Variants in SORCS1 observed in about 807,000 individuals in gnomAD.
SORCS1 encodes the protein VPS10 domain-containing receptor SorCS1.
A neutral mutation model predicts 146.1 loss-of-function variants in SORCS1; 60 were observed. The ratio of observed to expected loss-of-function variants is 0.41; its 90% confidence interval spans 0.33 to 0.51. The LOEUF (loss-of-function observed/expected upper bound fraction) is 0.51, where lower values mean the gene tolerates loss of function less well. Ranked by LOEUF, SORCS1 falls within the 20% of genes least tolerant of loss-of-function variation. The pLI is 0.21. For synonymous variants in SORCS1, 637 were observed against 584.0 expected (o/e 1.09, Z -1.31); for missense variants, 1,352 against 1,487.6 (o/e 0.91, Z 1.50).
intron 5 of SORCS1, among the ~76,000 whole-genome samples, chr10:106,756,989 T>G (rs894555576): frequency 4.6e-5 from 7 of 152,160 alleles, no homozygotes; most frequent in African/African-American, 1.7e-4. Context: ...CCCCGTCTCC[T>G]TGGCTGCAGC....
chr10:107,001,840 C>T (rs1016477972), intron 1 of SORCS1, among the ~76,000 whole-genome samples: 2 of 152,172 alleles, frequency 1.3e-5, no homozygotes, highest in African/African-American at 4.8e-5. Context: ...CTATGTTCTC[C>T]GGCAAAGGCA....
At chr10:107,097,981 A>G (rs1450483236) in intron 1 of SORCS1, among the ~76,000 whole-genome samples, 1 of 152,200 alleles carries the variant, frequency 6.6e-6, no homozygotes. Context: ...CAGTAGGGTG[A>G]TCGATGAATA....
chr10:106,879,498 C>A (rs1950732318), intron 2 of SORCS1, among the ~76,000 whole-genome samples: 1 of 152,166 alleles, frequency 6.6e-6, no homozygotes, highest in African/African-American at 2.4e-5. Context: ...ATGTTCTTCC[C>A]TAATGAATAG....
Position 106,994,086 on chromosome 10 carries a change from A to AAAAAAAAAAAAAAG in SORCS1, c.559-37507_559-37506insCTTTTTTTTTTTTT, listed in dbSNP as rs1554908001. On this transcript the variant is annotated intron_variant, in intron 1 of 25. Transcript: ENST00000263054. ...CTCAAAAAAAAAAAAAAAAAAAAAA[A>AAAAAAAAAAAAAAG]AGAAAATGAGAAGCAAACAAATTCA... Among the ~76,000 whole-genome samples the AAAAAAAAAAAAAAG allele has an allele frequency of 4.4e-4, 59 of 134,990 alleles. 2 individuals carry two copies. Among genetic ancestry groups the AAAAAAAAAAAAAAG allele is most frequent in the African/African-American group, 2.0e-3 (57 of 28,382 alleles). The allele number at this position is 134,990 out of a possible 152,430, so 88.6% of individuals were successfully genotyped here. A position where few individuals can be genotyped will look rare whatever the true frequency, so the allele number is the denominator to read the frequency against.
At chr10:106,860,516 C>T (rs1007513346) in intron 2 of SORCS1, among the ~76,000 whole-genome samples, 4 of 152,170 alleles carry the variant, frequency 2.6e-5, no homozygotes, top group African/African-American at 9.7e-5. Context: ...TCTAACATCG[C>T]ACGAGTTAAG....
At chr10:107,176,919 T>C in the SORCS1 span, among the ~76,000 whole-genome samples, 1 of 152,122 alleles carries the variant, frequency 6.6e-6, no homozygotes, top group East Asian at 1.9e-4. Context: ...TATTAATTTT[T>C]TTGGCTTAAT....
At chr10:107,069,102 T>A (rs1035192950) in intron 1 of SORCS1, among the ~76,000 whole-genome samples, 1 of 152,174 alleles carries the variant, frequency 6.6e-6, no homozygotes. Context: ...AAAATGTGTG[T>A]TGAATTTATT....
intron 1 of SORCS1, among the ~76,000 whole-genome samples, chr10:107,046,863 C>T (rs1279564565): frequency 6.6e-6 from 1 of 152,174 alleles, no homozygotes; most frequent in Non-Finnish European, 1.5e-5. Flanking sequence ...GAGCATAAAG[C>T]AAAGAAGGCT....
rs371319433 is a variant in SORCS1, at chr10:106,919,615, G to A, written c.626+36898C>T. 5.3e-5 allele frequency among the ~76,000 whole-genome samples: 8 copies of A among 152,290 alleles called. No individual in the cohort carries two copies. In the East Asian group the frequency reaches 1.3e-3, roughly 26 times the overall value. On this transcript the variant is annotated intron_variant, in intron 2 of 25. Coordinates refer to ENST00000263054, the MANE Select transcript of SORCS1 (RefSeq NM_052918.5). Reference sequence around the variant, plus strand: ...AGTGAAAAAAATGGAAATTCCCTGCGCTATTTGGTTCAGGAGATGCCTAAC... The same window carrying A: ...AGTGAAAAAAATGGAAATTCCCTGCACTATTTGGTTCAGGAGATGCCTAAC...
chr10:106,700,199 T>A (rs540304338), intron 8 of SORCS1, among the ~76,000 whole-genome samples: 27 of 152,262 alleles, frequency 1.8e-4, no homozygotes, highest in African/African-American at 6.3e-4. Flanking sequence ...AAAGCAAAGG[T>A]AGCGCGGAGG....
chr10:106,819,326 A>G (rs1452972049), intron 3 of SORCS1, among the ~76,000 whole-genome samples: 1 of 152,198 alleles, frequency 6.6e-6, no homozygotes, highest in Non-Finnish European at 1.5e-5. Flanking sequence ...GCACACAATT[A>G]TTATGTAGCT....
chr10:106,954,656 G>A (rs1214145549), intron 2 of SORCS1, among the ~76,000 whole-genome samples: 3 of 152,094 alleles, frequency 2.0e-5, no homozygotes, highest in Non-Finnish European at 4.4e-5. Context: ...TTAGCGTAGA[G>A]GAGCTCCTTG....
chr10:107,037,837 T>C (rs897534383), intron 1 of SORCS1, among the ~76,000 whole-genome samples: 2 of 152,198 alleles, frequency 1.3e-5, no homozygotes, highest in African/African-American at 4.8e-5. Flanking sequence ...TATTTATTTA[T>C]TTATTTTGAA....
intron 23 of SORCS1, 63 bp from the exon 24 acceptor site, chr10:106,597,513 TA>T: frequency 1.6e-6 from 2 of 1,241,764 alleles, no homozygotes; most frequent in Non-Finnish European, 2.4e-6. Flanking sequence ...CCAATAAGCT[TA>T]GAAATATTTA....
At chr10:106,625,447 C>A (rs1848045563) in intron 19 of SORCS1, among the ~76,000 whole-genome samples, 1 of 152,170 alleles carries the variant, frequency 6.6e-6, no homozygotes, top group African/African-American at 2.4e-5. Flanking sequence ...TCATACTAAT[C>A]TCTTCAAAGC....
At chr10:107,153,547 T>A (rs993166981) in intron 1 of SORCS1, among the ~76,000 whole-genome samples, 1 of 152,178 alleles carries the variant, frequency 6.6e-6, no homozygotes, top group African/African-American at 2.4e-5. Context: ...ACAAAGGCGA[T>A]GATAAACAAA....
At position 106,900,844 on chromosome 10, in the gene SORCS1, T is replaced by C. The variant is rs531665601; in HGVS notation, c.626+55669A>G. Among the ~76,000 whole-genome samples the C allele has an allele frequency of 1.3e-4, 20 of 152,336 alleles. No individual in the cohort carries two copies. In the South Asian group the frequency reaches 3.9e-3, roughly 30 times the overall value. On this transcript the variant is annotated intron_variant, in intron 2 of 25. Transcript: ENST00000263054. ...GAAGTAGGAATTCATATCATCCTTATTACACAGATGAGGGAGCTGAGGCAC... is the reference window on the plus strand; with the variant it reads ...GAAGTAGGAATTCATATCATCCTTACTACACAGATGAGGGAGCTGAGGCAC...
rs997271108 is a variant in SORCS1, at chr10:106,597,449, A to G, written c.3167T>C (p.Ile1056Thr). 1.9e-6 allele frequency: 3 copies of G among 1,613,146 alleles called. No homozygotes were observed. Among genetic ancestry groups the G allele is most frequent in the Non-Finnish European group, 1.7e-6 (2 of 1,179,246 alleles). ...GAGCGTGTGGATCAGCAATTCTGAT[A>G]TCTGAAAAAAGAAGCATAGTTAGTG... Reference protein sequence around the residue: ...NKRSTDDLEQISELLIHTLNQ... With the variant: ...NKRSTDDLEQTSELLIHTLNQ... Residue 1056 changes from isoleucine to threonine, a missense_variant and splice_region_variant, in exon 24 of 26, where the codon ATA becomes ACA. Physicochemically the swap from Ile to Thr is moderately conservative, Grantham distance 89 (BLOSUM62 -1). Transcript: ENST00000263054.
At chr10:106,752,363 C>A (rs562276647) in intron 5 of SORCS1, among the ~76,000 whole-genome samples, 1 of 152,256 alleles carries the variant, frequency 6.6e-6, no homozygotes, top group Admixed American at 6.5e-5. Context: ...TAATAAATGA[C>A]AAAAATCCTC....
Sources: gnomAD v4.1 joint callset for allele counts (sites outside exome capture counted in the v4.1 genomes callset) on GRCh38, gnomAD v4.1.1 for gene constraint, MANE v1.5 for transcripts, NCBI Gene and HGNC (gene_info 2026-07-23, HGNC 2026-07-21) for gene names.